Variants in CIT observed in about 807,000 individuals in gnomAD.
CIT encodes the protein citron Rho-interacting kinase.
Under a neutral mutation model 272.7 loss-of-function variants are expected in CIT, and 79 were observed. The ratio of observed to expected loss-of-function variants is 0.29; its 90% confidence interval spans 0.24 to 0.35. The LOEUF (loss-of-function observed/expected upper bound fraction) is 0.35. CIT is among the 10% of genes least tolerant of loss of function. The pLI, the probability that CIT is intolerant of heterozygous loss-of-function variation, is 1.00. For missense variants in CIT, 1,909 were observed against 2,618.3 expected (o/e 0.73, Z 5.91); for synonymous variants, 948 against 995.6 (o/e 0.95, Z 0.90).
At chr12:119,764,705 A>G (rs1334165339) in intron 19 of CIT, among the ~76,000 whole-genome samples, 1 of 152,222 alleles carries the variant, frequency 6.6e-6, no homozygotes, top group Admixed American at 6.5e-5. Flanking sequence ...GAAATATGTC[A>G]GAAGAAACTA....
At chr12:119,860,238 C>T (rs1044099185) in intron 3 of CIT, among the ~76,000 whole-genome samples, 17 of 152,056 alleles carry the variant, frequency 1.1e-4, no homozygotes, top group African/African-American at 4.1e-4. Context: ...CCACAGACCC[C>T]ACCCCTCACT....
chr12:119,793,894 C>T (rs903324222), intron 10 of CIT, among the ~76,000 whole-genome samples: 1 of 152,212 alleles, frequency 6.6e-6, no homozygotes, highest in Non-Finnish European at 1.5e-5. Context: ...CTGCCCCCAT[C>T]ATGTAAGCTC....
chr12:119,838,439 A>G (rs1969174591), intron 5 of CIT, among the ~76,000 whole-genome samples: 1 of 152,122 alleles, frequency 6.6e-6, no homozygotes, highest in Non-Finnish European at 1.5e-5. Context: ...CATCCCAACC[A>G]CTTAGGGAGC....
intron 20 of CIT, 33 bp downstream of exon 20, chr12:119,760,906 T>C (rs751770506): frequency 1.4e-6 from 2 of 1,414,854 alleles, no homozygotes; most frequent in Admixed American, 3.3e-5. Flanking sequence ...AAACCCTCCT[T>C]TGAACACTGG....
chr12:119,708,210 A>T lies in CIT; in HGVS notation c.5180T>A (p.Val1727Asp). The T allele has an allele frequency of 6.2e-7, 1 of 1,603,638 alleles. No individual in the cohort carries two copies. The highest frequency in any genetic ancestry group is 8.5e-7 in the Non-Finnish European group (1 of 1,175,434). ...TGCCCCAAACAAGTGGCAGCCCTTGACAGCTTCAAAAATGTTGGGTGAGAT... is the reference window on the plus strand; with the variant it reads ...TGCCCCAAACAAGTGGCAGCCCTTGTCAGCTTCAAAAATGTTGGGTGAGAT... ...PDISPNIFEA[V>D]KGCHLFGAGK... The change falls in exon 40 of 48, where the codon GTC becomes GAC. Residue 1727 changes from valine (V) to aspartate (D), a missense_variant. By Grantham distance (152) the Val-to-Asp change is radical (BLOSUM62 -3). Around this residue, in one of 8 missense-constraint regions of CIT, gnomAD observed 780 missense variants for 1,067.2 expected, o/e 0.73. Transcript: ENST00000392521.
At chr12:119,720,082 CGA>C (rs1318194202) in intron 30 of CIT, among the ~76,000 whole-genome samples, 1 of 152,074 alleles carries the variant, frequency 6.6e-6, no homozygotes, top group Non-Finnish European at 1.5e-5. Flanking sequence ...GAGTGTGGTA[CGA>C]GAGACCTGAA....
In CIT at chr12:119,784,181, G is replaced by A; in HGVS notation, c.1402-130C>T. 6.2e-7 allele frequency: 1 copy of A among 1,609,772 alleles called. No individual in the cohort carries two copies. Among genetic ancestry groups the A allele is most frequent in the Non-Finnish European group, 8.5e-7 (1 of 1,177,570 alleles). On this transcript the variant is annotated intron_variant, in intron 11 of 47. Transcript: ENST00000392521. This position sits in a 1 kb window ranked among gnomAD's most constrained non-coding sequence, Gnocchi z 4.7. ...AATTCGCCAAAAGTTAAGTTGGGATGGAAATACCATTGTTTCTTCGCCCAG... is the reference window on the plus strand; with the variant it reads ...AATTCGCCAAAAGTTAAGTTGGGATAGAAATACCATTGTTTCTTCGCCCAG...
intron 3 of CIT, among the ~76,000 whole-genome samples, chr12:119,866,868 C>T (rs1950530325): frequency 6.6e-6 from 1 of 152,202 alleles, no homozygotes; most frequent in Admixed American, 6.5e-5. Context: ...CAGCCATAGG[C>T]ACTGTACAAA....
Position 119,784,791 on chromosome 12 carries a change from T to A in CIT, c.1401+169A>T. The A allele has an allele frequency of 7.0e-7, 1 of 1,432,558 alleles. No homozygotes were observed. The highest frequency in any genetic ancestry group is 9.1e-7 in the Non-Finnish European group (1 of 1,095,584). The allele number at this position is 1,432,558 out of a possible 1,614,324, so 88.7% of individuals were successfully genotyped here. A position where few individuals can be genotyped will look rare whatever the true frequency, so the allele number is the denominator to read the frequency against. ...ATTTACAGCAACAGCAAGGCCCGAA[T>A]TCATCTCCCTCTGAGCTGCTGGAGG... On this transcript the variant is annotated intron_variant, in intron 11 of 47. Transcript: ENST00000392521. This position sits in a 1 kb window ranked among gnomAD's most constrained non-coding sequence, Gnocchi z 4.7.
intron 26 of CIT, 98 bp downstream of exon 26, chr12:119,734,066 C>T: frequency 7.5e-7 from 1 of 1,337,172 alleles, no homozygotes; most frequent in Non-Finnish European, 1.0e-6. Context: ...GGAAACTTCT[C>T]AGTCTCGGCG....
intron 13 of CIT, among the ~76,000 whole-genome samples, chr12:119,779,578 G>A (rs1964098719): frequency 6.6e-6 from 1 of 152,154 alleles, no homozygotes; most frequent in Non-Finnish European, 1.5e-5. Context: ...TACAGGCATG[G>A]ACACCAAATC....
intron 4 of CIT, 87 bp from the exon 5 acceptor site, chr12:119,850,362 A>G (rs1391221986): frequency 8.3e-6 from 4 of 480,708 alleles, no homozygotes; most frequent in Non-Finnish European, 1.4e-5. Flanking sequence ...GCCTAAACTG[A>G]TGTTTCTAGC....
At chr12:119,695,769 G>A (rs577101242) in intron 46 of CIT, among the ~76,000 whole-genome samples, 30 of 152,178 alleles carry the variant, frequency 2.0e-4, no homozygotes, top group African/African-American at 6.7e-4. Flanking sequence ...CAGCTTAGAT[G>A]ACAGAGACCC....
chr12:119,859,974 T>C (rs1447121945), intron 3 of CIT, among the ~76,000 whole-genome samples: 1 of 151,996 alleles, frequency 6.6e-6, no homozygotes, highest in East Asian at 1.9e-4. Flanking sequence ...ACACCACCAA[T>C]CTGGCTAATT....
At chr12:119,714,065 T>C in intron 33 of CIT, 132 bp downstream of exon 33, 1 of 1,013,672 alleles carries the variant, frequency 9.9e-7, no homozygotes, top group Non-Finnish European at 1.4e-6. Flanking sequence ...AATAGCATCC[T>C]CCTACTGAAG....
intron 9 of CIT, among the ~76,000 whole-genome samples, chr12:119,805,926 G>A (rs1340921042): frequency 6.6e-6 from 1 of 152,154 alleles, no homozygotes; most frequent in East Asian, 1.9e-4. Flanking sequence ...CCTGAGGTCA[G>A]GAGTTCAAGG....
intron 28 of CIT, 28 bp from the exon 29 acceptor site, chr12:119,721,477 C>CT: frequency 6.3e-7 from 1 of 1,588,398 alleles, no homozygotes; most frequent in Non-Finnish European, 8.6e-7. Flanking sequence ...CAGGGAAATG[C>CT]TTGATACTGC....
Position 119,717,834 on chromosome 12 carries a change from C to CTTTTTT in CIT, c.4168+410_4168+411insAAAAAA, listed in dbSNP as rs546520444. Reference sequence around the variant, plus strand: ...GGATGGGGAGCCAGGAGACTGACTTCTTTCTTTTTTTTTTTTTTTTTTTTG... The same window carrying CTTTTTT: ...GGATGGGGAGCCAGGAGACTGACTTCTTTTTTTTTCTTTTTTTTTTTTTTTTTTTTG... On this transcript the variant is annotated intron_variant, in intron 32 of 47. Transcript: ENST00000392521. 1.8e-3 allele frequency among the ~76,000 whole-genome samples: 123 copies of CTTTTTT among 70,214 alleles called. 2 individuals are homozygous for CTTTTTT. The highest frequency in any genetic ancestry group is 4.4e-3 in the African/African-American group (88 of 20,092). The allele number at this position is 70,214 out of a possible 152,430, so 46.1% of individuals were successfully genotyped here.
Position 119,752,077 on chromosome 12 carries a change from T to C in CIT, c.2877A>G (p.Glu959=), listed in dbSNP as rs755924757. The C allele has an allele frequency of 1.2e-6, 2 of 1,612,440 alleles. No homozygotes were observed. Among genetic ancestry groups the C allele is most frequent in the Non-Finnish European group, 1.7e-6 (2 of 1,179,904 alleles). ...AKTELEETTA[E]AEEEIQALTA... ...TGAGTGCCTGGATCTCCTCTTCAGC[T>C]TCTGCTGTGGTCTCTTCCAGCTCTG... Residue 959 remains glutamate (E), a synonymous_variant, in exon 23 of 48, where the codon GAA becomes GAG. Transcript: ENST00000392521.
Sources: allele counts gnomAD v4.1 joint callset (sites outside exome capture counted in the v4.1 genomes callset), GRCh38; gene constraint gnomAD v4.1.1; regional missense constraint gnomAD v4.1.1; non-coding constraint Gnocchi (gnomAD v3.1); transcripts MANE v1.5; gene names NCBI Gene and HGNC (gene_info 2026-07-23, HGNC 2026-07-21).